The following ZNF652 variants were observed in gnomAD, a reference collection of about 807,000 sequenced individuals.
ZNF652 encodes the protein zinc finger protein 652.
In ZNF652, 16 loss-of-function variants were observed where a neutral mutation model predicts 45.2. The observed-to-expected ratio is 0.35, with a 90% confidence interval of 0.24 to 0.54. The LOEUF (loss-of-function observed/expected upper bound fraction) is 0.54, where lower values mean the gene tolerates loss of function less well. Ranked by LOEUF, ZNF652 falls within the 20% of genes least tolerant of loss-of-function variation. ZNF652 has a pLI of 0.91. For missense variants in ZNF652, 614 were observed against 765.6 expected (o/e 0.80, Z 2.34); for synonymous variants, 250 against 260.6 (o/e 0.96, Z 0.39).
chr17:49,288,243 GT>G (rs916426873), downstream of ZNF652: 1 of 152,030 alleles, frequency 6.6e-6, no homozygotes, highest in Non-Finnish European at 1.5e-5. Context: ...CACTTATTTA[GT>G]ATATACTCAG....
intron 5 of ZNF652, among the ~76,000 whole-genome samples, chr17:49,304,598 G>A (rs1006872824): frequency 1.3e-5 from 2 of 152,106 alleles, no homozygotes; most frequent in Admixed American, 6.5e-5. Context: ...TATAGTAACA[G>A]TTAAGTTCAT....
intron 1 of ZNF652, among the ~76,000 whole-genome samples, chr17:49,344,517 AATT>A (rs1567697695): frequency 1.5e-5 from 2 of 133,262 alleles, no homozygotes; most frequent in African/African-American, 5.7e-5. Flanking sequence ...ATCAAAGCAA[AATT>A]TTTTTTTTTT....
Position 49,295,316 on chromosome 17 carries a change from A to G in ZNF652, c.*3097T>C, listed in dbSNP as rs1363520578. 1 of 151,856 alleles carries G rather than the reference A, an allele frequency of 6.6e-6. No individual in the cohort carries two copies. Among genetic ancestry groups the G allele is most frequent in the African/African-American group, 2.4e-5 (1 of 41,398 alleles). 9.4% of individuals were successfully genotyped at this position (151,856 alleles called of 1,614,324 possible). ...GAAGACCACAAGTCTCAAGTCAAGGAAAGTATCCTTAATCTAGGGGAAAAA... is the reference window on the plus strand; with the variant it reads ...GAAGACCACAAGTCTCAAGTCAAGGGAAGTATCCTTAATCTAGGGGAAAAA... On this transcript the variant is annotated 3_prime_UTR_variant, in exon 6 of 6. Coordinates refer to ENST00000430262, the MANE Select transcript of ZNF652 (RefSeq NM_001145365.3).
intron 1 of ZNF652, among the ~76,000 whole-genome samples, chr17:49,351,000 TATATATATATATATAC>T (rs1460311213): frequency 1.4e-3 from 29 of 20,378 alleles, no homozygotes; most frequent in African/African-American, 6.8e-3. Context: ...TATATATATA[TATATATATATATATAC>T]ACACACACAC....
At chr17:49,311,710 T>C (rs1461672940) in intron 4 of ZNF652, among the ~76,000 whole-genome samples, 1 of 152,212 alleles carries the variant, frequency 6.6e-6, no homozygotes, top group East Asian at 1.9e-4. Context: ...TATGTGTTAT[T>C]TCCAAGTTAA....
At chr17:49,337,334 T>C (rs2070096418) in intron 1 of ZNF652, among the ~76,000 whole-genome samples, 2 of 68,462 alleles carry the variant, frequency 2.9e-5, no homozygotes, top group Non-Finnish European at 3.0e-5. Flanking sequence ...ATACCCATTC[T>C]CTTAAAAAAA....
rs961451306 is a variant in ZNF652, at chr17:49,362,025, C to G, written c.-375G>C. The G allele has an allele frequency of 6.7e-6, 1 of 149,534 alleles. No homozygotes were observed. Among genetic ancestry groups the G allele is most frequent in the Non-Finnish European group, 1.5e-5 (1 of 66,942 alleles). 9.3% of individuals were successfully genotyped at this position (149,534 alleles called of 1,614,324 possible). A position where few individuals can be genotyped will look rare whatever the true frequency, so the allele number is the denominator to read the frequency against. ...CAACCGCCGGCTGGGCCAGCCCCTC[C>G]CCCCCTGCCCAACGTCTGTCCTCAG... On this transcript the variant is annotated 5_prime_UTR_variant, in exon 1 of 6. Transcript: ENST00000430262.
intron 3 of ZNF652, 101 bp downstream of exon 3, chr17:49,312,597 C>A: frequency 1.5e-6 from 2 of 1,339,080 alleles, no homozygotes; most frequent in Admixed American, 2.3e-5. Context: ...CATGTCAAAA[C>A]TGATTAGGGC....
chr17:49,343,960 A>G lies in ZNF652; in HGVS notation c.-259+17949T>C, dbSNP rs2070176401. ...AAGCCTGTAATCCCAGCACTTTGGG[A>G]GGCCGAGGCGGGTGGATCACAAGGT... On this transcript the variant is annotated intron_variant, in intron 1 of 5. Coordinates refer to ENST00000430262, the MANE Select transcript of ZNF652 (RefSeq NM_001145365.3). Among the ~76,000 whole-genome samples, 3 of 152,164 alleles carry G rather than the reference A, an allele frequency of 2.0e-5. No individual in the cohort carries two copies. The East Asian group carries it at 5.8e-4, about 29-fold the overall frequency.
intron 1 of ZNF652, among the ~76,000 whole-genome samples, chr17:49,355,731 C>T (rs2070329367): frequency 2.0e-5 from 3 of 151,546 alleles, no homozygotes; most frequent in Non-Finnish European, 4.4e-5. Context: ...AACCCCGTCT[C>T]TACTAAAAAT....
intron 1 of ZNF652, among the ~76,000 whole-genome samples, chr17:49,346,311 G>T (rs1388696780): frequency 6.6e-6 from 1 of 152,232 alleles, no homozygotes; most frequent in Non-Finnish European, 1.5e-5. Context: ...AGCACTTTGG[G>T]AGGCTGCAGT....
intron 5 of ZNF652, among the ~76,000 whole-genome samples, chr17:49,305,248 C>T (rs2069613050): frequency 6.6e-6 from 1 of 151,924 alleles, no homozygotes; most frequent in Middle Eastern, 3.2e-3. Flanking sequence ...TTTGATAGTA[C>T]TGATATCCAG....
Position 49,298,659 on chromosome 17 carries a change from G to A in ZNF652, c.1575C>T (p.Thr525=). Reference sequence around the variant, plus strand: ...GATTCATATTGATTGGAGGGGTTGGGGTTGTGGCTGTGTTCACCACAGAAG... The same window carrying A: ...GATTCATATTGATTGGAGGGGTTGGAGTTGTGGCTGTGTTCACCACAGAAG... ...PVPSVVNTAT[T]PTPPINMNPV... Residue 525 remains threonine (T), a synonymous_variant, in exon 6 of 6, where the codon ACC becomes ACT. Coordinates refer to ENST00000430262, the MANE Select transcript of ZNF652 (RefSeq NM_001145365.3). 1.2e-6 allele frequency: 2 copies of A among 1,613,948 alleles called. No homozygotes were observed. Among genetic ancestry groups the A allele is most frequent in the Non-Finnish European group, 1.7e-6 (2 of 1,179,998 alleles).
chr17:49,298,286 G>T lies in ZNF652; in HGVS notation c.*127C>A. ...ATTCCCTTGGATCTGTTGATTCAGT[G>T]ACACTGGCGAAGCTCTTGGTAGAGG... On this transcript the variant is annotated 3_prime_UTR_variant, in exon 6 of 6. Coordinates refer to ENST00000430262, the MANE Select transcript of ZNF652 (RefSeq NM_001145365.3). 2 of 1,178,544 alleles carry T rather than the reference G, an allele frequency of 1.7e-6. No homozygotes were observed. Among genetic ancestry groups the T allele is most frequent in the Non-Finnish European group, 2.4e-6 (2 of 848,906 alleles). The allele number at this position is 1,178,544 out of a possible 1,614,324, so 73.0% of individuals were successfully genotyped here.
At chr17:49,353,375 G>C (rs1382522219) in intron 1 of ZNF652, among the ~76,000 whole-genome samples, 1 of 152,066 alleles carries the variant, frequency 6.6e-6, no homozygotes, top group Non-Finnish European at 1.5e-5. Context: ...TGACTATGTT[G>C]CTTGGGATGG....
At chr17:49,315,443 G>A (rs1167568235) in intron 2 of ZNF652, among the ~76,000 whole-genome samples, 3 of 151,740 alleles carry the variant, frequency 2.0e-5, no homozygotes, top group Admixed American at 2.0e-4. Flanking sequence ...AGTTCATTTA[G>A]CAGAATCCAC....
chr17:49,302,517 T>C (rs1231043086), intron 5 of ZNF652, among the ~76,000 whole-genome samples: 2 of 151,850 alleles, frequency 1.3e-5, no homozygotes, highest in African/African-American at 4.8e-5. Flanking sequence ...TTTGATCTCC[T>C]GACCTTGTAA....
At chr17:49,338,354 A>G (rs934980923) in intron 1 of ZNF652, among the ~76,000 whole-genome samples, 27 of 152,092 alleles carry the variant, frequency 1.8e-4, no homozygotes, top group Admixed American at 1.6e-3. Flanking sequence ...CCTTGTCTGG[A>G]TGTGATGCAT....
At chr17:49,325,123 T>A (rs2069943237) in intron 1 of ZNF652, among the ~76,000 whole-genome samples, 1 of 152,144 alleles carries the variant, frequency 6.6e-6, no homozygotes, top group Admixed American at 6.6e-5. Context: ...GAGGCCTACG[T>A]TTTGGCCTGT....
Sources: allele counts gnomAD v4.1 joint callset (sites outside exome capture counted in the v4.1 genomes callset), GRCh38; gene constraint gnomAD v4.1.1; transcripts MANE v1.5; gene names NCBI Gene and HGNC (gene_info 2026-07-23, HGNC 2026-07-21).